Variants in ADGRL3 observed in about 807,000 individuals in gnomAD.
The protein encoded by ADGRL3 is adhesion G protein-coupled receptor L3.
In ADGRL3, 62 loss-of-function variants were observed where a neutral mutation model predicts 153.5. The ratio of observed to expected loss-of-function variants is 0.40; its 90% CI spans 0.33 to 0.50. The LOEUF is 0.50. ADGRL3 is among the 20% of genes least tolerant of loss of function. The probability of loss-of-function intolerance (pLI) is 0.47; values close to 1 mark genes in which losing one functional copy is unlikely to be tolerated. For missense variants in ADGRL3, 1,641 were observed against 1,859.4 expected, an observed-to-expected ratio of 0.88 and a Z score of 2.16; for synonymous variants, 710 against 672.5, an observed-to-expected ratio of 1.06 and a Z score of -0.86.
chr4:61,735,170 C>T (rs571053751), intron 8 of ADGRL3, among the ~76,000 whole-genome samples: 8 of 152,164 alleles, frequency 5.3e-5, no homozygotes, highest in South Asian at 2.1e-4. Flanking sequence ...TGTAATACAT[C>T]GCATATATAT....
At chr4:61,616,344 T>C (rs1021204683) in intron 5 of ADGRL3, among the ~76,000 whole-genome samples, 4 of 152,184 alleles carry the variant, frequency 2.6e-5, no homozygotes, top group Non-Finnish European at 4.4e-5. Context: ...AAGCCATTAA[T>C]ATTTTTATTT....
chr4:61,754,766 C>T (rs1439986858), intron 8 of ADGRL3, among the ~76,000 whole-genome samples: 1 of 152,070 alleles, frequency 6.6e-6, no homozygotes, highest in Non-Finnish European at 1.5e-5. Context: ...CTATCCTTCC[C>T]CCCTCCCCCC....
chr4:61,360,473 C>T (rs186190950), intron 1 of ADGRL3, among the ~76,000 whole-genome samples: 2 of 152,172 alleles, frequency 1.3e-5, no homozygotes, highest in Admixed American at 6.5e-5. Context: ...AAGGAAATTA[C>T]GCAGTGGTCT....
At chr4:61,419,818 G>C (rs1035459378) in intron 2 of ADGRL3, among the ~76,000 whole-genome samples, 120 of 149,932 alleles carry the variant, frequency 8.0e-4, no homozygotes, top group African/African-American at 2.9e-3. Flanking sequence ...TTTTGAGATG[G>C]AGTTTTGCTC....
chr4:61,528,762 C>T (rs148357815), intron 4 of ADGRL3, among the ~76,000 whole-genome samples: 1 of 152,164 alleles, frequency 6.6e-6, no homozygotes, highest in East Asian at 1.9e-4. Flanking sequence ...TGTTTTATGC[C>T]ATGCTGCAAT....
At chr4:61,776,865 T>G (rs1360260130) in intron 8 of ADGRL3, among the ~76,000 whole-genome samples, 2 of 152,202 alleles carry the variant, frequency 1.3e-5, no homozygotes, top group African/African-American at 4.8e-5. Flanking sequence ...TTTATACTTT[T>G]CCATTAAAGT....
chr4:61,201,955 G>A (rs1734860891), intron 1 of ADGRL3, among the ~76,000 whole-genome samples, 190 bp downstream of exon 1: 1 of 152,164 alleles, frequency 6.6e-6, no homozygotes, highest in South Asian at 2.1e-4. Flanking sequence ...CCTCCTGGCT[G>A]GTGGGCGCTC....
chr4:61,653,166 TCTCTCA>T lies in ADGRL3; in HGVS notation c.474-23658_474-23653del, dbSNP rs71211401. Among the ~76,000 whole-genome samples the T allele has an allele frequency of 7.9e-3, 1,072 of 135,058 alleles. 13 individuals are homozygous for T. Among genetic ancestry groups the T allele is most frequent in the Non-Finnish European group, 0.01 (662 of 64,334 alleles). 88.6% of individuals were successfully genotyped at this position (135,058 alleles called of 152,430 possible). A position where few individuals can be genotyped will look rare whatever the true frequency, so the allele number is the denominator to read the frequency against. On this transcript the variant is annotated intron_variant, in intron 5 of 26. Coordinates refer to ENST00000683033, the MANE Select transcript of ADGRL3 (RefSeq NM_001387552.1). ...CTCTCTCTCTGTCTCTCTCTCTCTC[TCTCTCA>T]CACACACACACACACACACACACAC...
intron 9 of ADGRL3, among the ~76,000 whole-genome samples, chr4:61,843,511 G>A (rs188905438): frequency 6.6e-6 from 1 of 152,098 alleles, no homozygotes. Flanking sequence ...CAATATGCAA[G>A]AGGAGCCATT....
chr4:61,432,638 C>T (rs866570636), intron 2 of ADGRL3, among the ~76,000 whole-genome samples: 36 of 23,882 alleles, frequency 1.5e-3, no homozygotes, highest in African/African-American at 3.5e-3. Context: ...TTCTTTCTTT[C>T]TTTCTTTCTT....
intron 4 of ADGRL3, among the ~76,000 whole-genome samples, chr4:61,561,918 G>A (rs1275281365): frequency 6.6e-6 from 1 of 151,950 alleles, no homozygotes. Context: ...GGGATTACAG[G>A]CATGCACCAC....
chr4:61,716,437 G>A (rs773900860), intron 6 of ADGRL3, among the ~76,000 whole-genome samples: 5 of 152,162 alleles, frequency 3.3e-5, no homozygotes, highest in East Asian at 1.9e-4. Flanking sequence ...AGATAAATAC[G>A]TACCGATTTT....
rs1418592912 is a variant in ADGRL3 at position 61,869,916 on chromosome 4, C to T, written c.1481-22740C>T. Reference sequence around the variant, plus strand: ...TCATGCCATTGCACTCCAGCCTGGGCAACAAGAGCAAAACTTTGTTAAAAA... The same window carrying T: ...TCATGCCATTGCACTCCAGCCTGGGTAACAAGAGCAAAACTTTGTTAAAAA... On this transcript the variant is annotated intron_variant, in intron 9 of 26. Transcript: ENST00000683033. Among the ~76,000 whole-genome samples, 4 of 58,468 alleles carry T rather than the reference C, an allele frequency of 6.8e-5. No homozygotes were observed. In the East Asian group the frequency reaches 1.3e-3, roughly 18 times the overall value. The allele number at this position is 58,468 out of a possible 152,430, so 38.4% of individuals were successfully genotyped here.
intron 25 of ADGRL3, among the ~76,000 whole-genome samples, chr4:62,065,597 A>C (rs958804623): frequency 6.6e-6 from 1 of 152,064 alleles, no homozygotes; most frequent in South Asian, 2.1e-4. Flanking sequence ...TACTCTATTC[A>C]GTACATAGAA....
At chr4:61,997,466 G>A (rs772737679) in intron 20 of ADGRL3, among the ~76,000 whole-genome samples, 2 of 151,990 alleles carry the variant, frequency 1.3e-5, no homozygotes, top group East Asian at 3.9e-4. Context: ...GAGTATTTCA[G>A]GAGGGCTTTT....
chr4:61,274,998 G>A (rs940833256), intron 1 of ADGRL3, among the ~76,000 whole-genome samples: 3 of 152,086 alleles, frequency 2.0e-5, no homozygotes, highest in Non-Finnish European at 4.4e-5. Flanking sequence ...TTGTTTGTAT[G>A]TTTGTTTACC....
chr4:61,990,884 ATC>A (rs2099101238), intron 19 of ADGRL3, among the ~76,000 whole-genome samples: 1 of 151,532 alleles, frequency 6.6e-6, no homozygotes, highest in African/African-American at 2.4e-5. Flanking sequence ...TTACCCGAGT[ATC>A]ACATTCCTAA....
rs370513105 is a variant in ADGRL3, at chr4:61,785,623, A to G, written c.1400-28186A>G. On this transcript the variant is annotated intron_variant, in intron 8 of 26. Transcript: ENST00000683033. Reference sequence around the variant, plus strand: ...TTCAGGAGCTCTTCTTCCACAGATTATCTGAATAAACCCATAGAATTTTCT... The same window carrying G: ...TTCAGGAGCTCTTCTTCCACAGATTGTCTGAATAAACCCATAGAATTTTCT... Among the ~76,000 whole-genome samples the G allele has an allele frequency of 7.2e-4, 110 of 152,308 alleles. 1 individual carries two copies. In the South Asian group the frequency reaches 0.022, roughly 30 times the overall value.
At chr4:61,357,822 G>A (rs1204047006) in intron 1 of ADGRL3, among the ~76,000 whole-genome samples, 1 of 151,908 alleles carries the variant, frequency 6.6e-6, no homozygotes, top group Admixed American at 6.6e-5. Flanking sequence ...TATTTAAAAT[G>A]GAACACTTCT....
Sources: allele counts gnomAD v4.1 joint callset (sites outside exome capture counted in the v4.1 genomes callset), GRCh38; gene constraint gnomAD v4.1.1; transcripts MANE v1.5; gene names NCBI Gene and HGNC (gene_info 2026-07-23, HGNC 2026-07-21).